ATRNL1: variants seen among roughly 807,000 people sequenced by gnomAD.
ATRNL1 encodes the protein attractin like 1, also known as attractin-like protein 1.
ATRNL1 carries 95 observed loss-of-function variants against 182.7 expected under a neutral mutation model. That is an observed-to-expected ratio of 0.52 (90% confidence interval 0.44 to 0.62). ATRNL1 has a LOEUF of 0.62. ATRNL1 is among the 20% of genes least tolerant of loss of function. The probability of loss-of-function intolerance (pLI) is 0.00; values close to 1 mark genes in which losing one functional copy is unlikely to be tolerated. For synonymous variants in ATRNL1, 576 were observed against 568.3 expected, an observed-to-expected ratio of 1.01 and a Z score of -0.19; for missense variants, 1,471 against 1,679.5, an observed-to-expected ratio of 0.88 and a Z score of 2.17.
At chr10:115,800,605 C>T (rs1356628259) in intron 27 of ATRNL1, among the ~76,000 whole-genome samples, 1 of 152,090 alleles carries the variant, frequency 6.6e-6, no homozygotes, top group African/African-American at 2.4e-5. Context: ...CCAGAGGCTC[C>T]TACCATGACC....
intron 1 of ATRNL1, among the ~76,000 whole-genome samples, chr10:115,102,845 A>G (rs1843832679): frequency 6.6e-6 from 1 of 152,164 alleles, no homozygotes; most frequent in Non-Finnish European, 1.5e-5. Context: ...TGTCAATTAA[A>G]AAAGTCTTGC....
At position 115,161,088 on chromosome 10, in the gene ATRNL1, C is replaced by T. The variant is rs147839906; in HGVS notation, c.1004+874C>T. Among the ~76,000 whole-genome samples, 930 of 151,834 alleles carry T rather than the reference C, an allele frequency of 6.1e-3. 1 individual carries two copies. The highest frequency in any genetic ancestry group is 0.011 in the Non-Finnish European group (717 of 67,804). On this transcript the variant is annotated intron_variant, in intron 6 of 28. Transcript: ENST00000355044. The stretch of plus-strand genomic sequence containing the variant: ...AAATTTTGCATGGGTCATTCTTTAA[C>T]AAAAAATTGTTTGTTGTTTATCTGA...
chr10:115,368,144 T>C, intron 19 of ATRNL1, among the ~76,000 whole-genome samples: 1 of 152,204 alleles, frequency 6.6e-6, no homozygotes, highest in East Asian at 1.9e-4. Flanking sequence ...CCTTACAGTT[T>C]GATCTCAGAC....
intron 28 of ATRNL1, among the ~76,000 whole-genome samples, chr10:115,910,250 T>A (rs890237811): frequency 1.3e-5 from 2 of 152,160 alleles, no homozygotes; most frequent in Non-Finnish European, 2.9e-5. Context: ...GCTACCACAT[T>A]CTCAGCTGCA....
intron 28 of ATRNL1, among the ~76,000 whole-genome samples, chr10:115,912,808 G>A (rs997060238): frequency 6.6e-6 from 1 of 152,128 alleles, no homozygotes; most frequent in Admixed American, 6.5e-5. Context: ...TTGGAAGAAT[G>A]TCATCACTCT....
At chr10:115,625,785 TAGGA>T (rs1555024452) in intron 26 of ATRNL1, among the ~76,000 whole-genome samples, 3 of 151,996 alleles carry the variant, frequency 2.0e-5, no homozygotes, top group African/African-American at 7.3e-5. Flanking sequence ...CCAAGGCGCA[TAGGA>T]ATGACCCTAT....
chr10:115,874,470 A>G (rs1951655557), intron 28 of ATRNL1, among the ~76,000 whole-genome samples: 1 of 152,152 alleles, frequency 6.6e-6, no homozygotes, highest in South Asian at 2.1e-4. Context: ...TTGTTTCTCA[A>G]GTACTAAGCA....
At chr10:115,466,525 A>G (rs868939880) in intron 22 of ATRNL1, among the ~76,000 whole-genome samples, 2 of 151,350 alleles carry the variant, frequency 1.3e-5, no homozygotes, top group South Asian at 2.1e-4. Flanking sequence ...TCTCTTAGTC[A>G]TATTTCCCTG....
At chr10:115,518,875 T>TTG (rs1554984493) in intron 24 of ATRNL1, among the ~76,000 whole-genome samples, 2 of 120,396 alleles carry the variant, frequency 1.7e-5, no homozygotes, top group African/African-American at 3.0e-5. Flanking sequence ...AACAAAACAT[T>TTG]TGTATATATA....
intron 15 of ATRNL1, among the ~76,000 whole-genome samples, chr10:115,290,676 G>A (rs1441802374): frequency 2.0e-5 from 3 of 152,010 alleles, no homozygotes; most frequent in Non-Finnish European, 4.4e-5. Flanking sequence ...GTCCAAAAAA[G>A]AGCAGAGGTT....
At chr10:115,606,429 G>A (rs551524368) in intron 26 of ATRNL1, among the ~76,000 whole-genome samples, 1 of 151,902 alleles carries the variant, frequency 6.6e-6, no homozygotes, top group South Asian at 2.1e-4. Flanking sequence ...TCATTTTCAG[G>A]GTATAACACA....
chr10:115,567,024 C>T (rs1555002097), intron 26 of ATRNL1, among the ~76,000 whole-genome samples: 1 of 152,084 alleles, frequency 6.6e-6, no homozygotes, highest in African/African-American at 2.4e-5. Context: ...CCTGTTTGTC[C>T]AGCCAGGACA....
intron 5 of ATRNL1, among the ~76,000 whole-genome samples, chr10:115,146,396 G>T (rs138695123): frequency 6.6e-6 from 1 of 151,812 alleles, no homozygotes; most frequent in Non-Finnish European, 1.5e-5. Flanking sequence ...TTTGTTATCC[G>T]CATAGAATGT....
intron 26 of ATRNL1, among the ~76,000 whole-genome samples, chr10:115,685,014 A>G (rs1259487491): frequency 6.6e-6 from 1 of 151,794 alleles, no homozygotes; most frequent in Non-Finnish European, 1.5e-5. Context: ...AGAATTAGCA[A>G]CTTGGAGTAC....
chr10:115,334,196 C>T, intron 18 of ATRNL1, 86 bp from the exon 19 acceptor site: 1 of 922,264 alleles, frequency 1.1e-6, no homozygotes, highest in Non-Finnish European at 1.5e-6. Flanking sequence ...TACAATCCAG[C>T]TTTTTAAGAT....
At chr10:115,518,516 A>C (rs1271060477) in intron 24 of ATRNL1, among the ~76,000 whole-genome samples, 5 of 151,912 alleles carry the variant, frequency 3.3e-5, no homozygotes, top group African/African-American at 9.7e-5. Flanking sequence ...GTAAACATTA[A>C]ATTTCTATTC....
At chr10:115,803,766 C>A (rs149118845) in intron 27 of ATRNL1, among the ~76,000 whole-genome samples, 2 of 151,878 alleles carry the variant, frequency 1.3e-5, no homozygotes, top group Admixed American at 6.6e-5. Context: ...TAAATAAACT[C>A]TTTTAACTGC....
chr10:115,679,060 G>C (rs553041066), intron 26 of ATRNL1, among the ~76,000 whole-genome samples: 9 of 152,130 alleles, frequency 5.9e-5, no homozygotes, highest in Non-Finnish European at 1.3e-4. Flanking sequence ...AGTTGTAAAA[G>C]TGAAGGATCC....
intron 27 of ATRNL1, among the ~76,000 whole-genome samples, chr10:115,758,437 C>G (rs1948648406): frequency 6.6e-6 from 1 of 152,158 alleles, no homozygotes; most frequent in South Asian, 2.1e-4. Context: ...CTCTCTTTGC[C>G]TGGGTATCAC....
Sources: allele counts gnomAD v4.1 joint callset (sites outside exome capture counted in the v4.1 genomes callset), GRCh38; gene constraint gnomAD v4.1.1; transcripts MANE v1.5; gene names NCBI Gene and HGNC (gene_info 2026-07-23, HGNC 2026-07-21).